The following ST3GAL1 variants were observed in gnomAD, a reference collection of about 807,000 sequenced individuals.
The protein encoded by ST3GAL1 is ST3 beta-galactoside alpha-2,3-sialyltransferase 1.
A neutral mutation model predicts 34.1 loss-of-function variants in ST3GAL1; 16 were observed. The observed-to-expected ratio is 0.47, with a 90% CI of 0.32 to 0.71. The LOEUF is 0.71. Among genes scored for constraint, ST3GAL1 ranks in the 30% least tolerant of loss-of-function variants. The probability of loss-of-function intolerance (pLI) is 0.04; values close to 1 mark genes in which losing one functional copy is unlikely to be tolerated. For missense variants in ST3GAL1, 353 were observed against 447.4 expected (o/e 0.79, Z 1.90); for synonymous variants, 191 against 184.7 (o/e 1.03, Z -0.28).
intron 1 of ST3GAL1, among the ~76,000 whole-genome samples, chr8:133,568,592 T>C (rs1028021332): frequency 1.9e-4 from 29 of 152,190 alleles, no homozygotes; most frequent in African/African-American, 7.0e-4. Flanking sequence ...CTGGTCGCTT[T>C]TGGTGGTGTG....
Position 133,521,190 on chromosome 8 carries a change from G to A in ST3GAL1, c.-428-22001C>T, listed in dbSNP as rs1387100371. On this transcript the variant is annotated intron_variant, in intron 2 of 9. Coordinates refer to ENST00000522652, the MANE Select transcript of ST3GAL1 (RefSeq NM_173344.3). The stretch of plus-strand genomic sequence containing the variant: ...GCTCTGTTGCCCAGGCTAGAGTGCA[G>A]TGGTGCAATCTTGGCTCACTGCAAC... 4.0e-5 allele frequency among the ~76,000 whole-genome samples: 5 copies of A among 123,686 alleles called. No homozygotes were observed. In the Admixed American group the frequency reaches 4.4e-4, roughly 11 times the overall value. 81.1% of individuals were successfully genotyped at this position (123,686 alleles called of 152,430 possible).
chr8:133,483,731 C>T (rs1816479039), intron 3 of ST3GAL1, among the ~76,000 whole-genome samples: 1 of 152,040 alleles, frequency 6.6e-6, no homozygotes, highest in African/African-American at 2.4e-5. Flanking sequence ...TCCTAACACA[C>T]TGGGGGAAAT....
At position 133,490,737 on chromosome 8, in the gene ST3GAL1, G is replaced by A. The variant is rs551471897; in HGVS notation, c.-374+8398C>T. Among the ~76,000 whole-genome samples, 10 of 152,346 alleles carry A rather than the reference G, an allele frequency of 6.6e-5. No individual in the cohort carries two copies. The South Asian group carries it at 2.1e-3, about 32-fold the overall frequency. On this transcript the variant is annotated intron_variant, in intron 3 of 9. Coordinates refer to ENST00000522652, the MANE Select transcript of ST3GAL1 (RefSeq NM_173344.3). ...GGAGCTGGATCGTGGAAGTCCTGAG[G>A]AACGTGGACTTGGGGACTGAAGGCA... is the stretch of plus-strand genomic sequence containing the variant.
intron 2 of ST3GAL1, among the ~76,000 whole-genome samples, chr8:133,502,451 A>G (rs937782011): frequency 1.5e-4 from 23 of 151,072 alleles, no homozygotes; most frequent in African/African-American, 4.6e-4. Context: ...GAGGTGCCAG[A>G]AAGCACTCTC....
chr8:133,482,166 G>C (rs1727549271), intron 3 of ST3GAL1, among the ~76,000 whole-genome samples: 1 of 152,036 alleles, frequency 6.6e-6, no homozygotes, highest in Non-Finnish European at 1.5e-5. Flanking sequence ...TTTCTCTTGG[G>C]GGGTCTTCGC....
At chr8:133,565,151 C>CTG (rs60990775) in intron 1 of ST3GAL1, among the ~76,000 whole-genome samples, 23,094 of 139,068 alleles carry the variant, frequency 0.17, 1,821 homozygotes, top group Middle Eastern at 0.21. Context: ...CTCTGTGTGC[C>CTG]TGTGTGTGTG....
chr8:133,513,773 C>T (rs1172507710), intron 2 of ST3GAL1, among the ~76,000 whole-genome samples: 1 of 151,972 alleles, frequency 6.6e-6, no homozygotes, highest in Admixed American at 6.6e-5. Flanking sequence ...GTGACTTGCG[C>T]CTATAATCCC....
intron 2 of ST3GAL1, among the ~76,000 whole-genome samples, chr8:133,529,522 T>C (rs192138675): frequency 7.4e-4 from 112 of 152,202 alleles, no homozygotes; most frequent in African/African-American, 2.6e-3. Context: ...AGGCGAGAGC[T>C]AACATGGAAT....
rs1042092799 is a variant in ST3GAL1 at position 133,556,642 on chromosome 8, A to G, written c.-581-10716T>C. Among the ~76,000 whole-genome samples the G allele has an allele frequency of 1.3e-5, 2 of 152,160 alleles. No homozygotes were observed. Among genetic ancestry groups the G allele is most frequent in the Admixed American group, 6.5e-5 (1 of 15,286 alleles). On this transcript the variant is annotated intron_variant, in intron 1 of 9. Coordinates refer to ENST00000522652, the MANE Select transcript of ST3GAL1 (RefSeq NM_173344.3). The surrounding 1 kb of genome is among the most constrained non-coding windows in gnomAD (Gnocchi z 8.9). ...GAAACGAAAGAAGAAAGGGAGGGAG[A>G]AAAAGAAGGAACGAAAATGGGAAGG... is the stretch of plus-strand genomic sequence containing the variant.
At chr8:133,561,915 G>T (rs1198611925) in intron 1 of ST3GAL1, among the ~76,000 whole-genome samples, 2 of 152,036 alleles carry the variant, frequency 1.3e-5, no homozygotes, top group Non-Finnish European at 2.9e-5. Context: ...TGCAAGGTTG[G>T]TGAAGGTCTG....
intron 2 of ST3GAL1, among the ~76,000 whole-genome samples, chr8:133,535,828 T>G (rs1291225883): frequency 6.6e-6 from 1 of 152,220 alleles, no homozygotes; most frequent in Non-Finnish European, 1.5e-5. Context: ...ATGTACATTG[T>G]TGTTTTAGAC....
At chr8:133,549,744 C>T (rs1427041156) in intron 1 of ST3GAL1, among the ~76,000 whole-genome samples, 1 of 152,180 alleles carries the variant, frequency 6.6e-6, no homozygotes, top group Non-Finnish European at 1.5e-5. Context: ...GGGCAAATCA[C>T]CTGAGGTCGG....
intron 2 of ST3GAL1, among the ~76,000 whole-genome samples, chr8:133,544,310 A>C (rs144539681): frequency 6.6e-6 from 1 of 152,212 alleles, no homozygotes; most frequent in African/African-American, 2.4e-5. Flanking sequence ...GTCTTGTCCC[A>C]TAAGATGGTG....
chr8:133,559,672 CCTTT>C (rs1251900070), intron 1 of ST3GAL1, among the ~76,000 whole-genome samples: 2 of 152,148 alleles, frequency 1.3e-5, no homozygotes, highest in African/African-American at 4.8e-5. Context: ...GAACAACAAA[CCTTT>C]CTCTCCATTG....
chr8:133,482,792 A>G (rs992252130), intron 3 of ST3GAL1, among the ~76,000 whole-genome samples: 1 of 152,260 alleles, frequency 6.6e-6, no homozygotes, highest in African/African-American at 2.4e-5. Flanking sequence ...TCCAGTAAGA[A>G]GAATGACTCC....
chr8:133,505,477 G>A (rs948403321), intron 2 of ST3GAL1, among the ~76,000 whole-genome samples: 1 of 152,220 alleles, frequency 6.6e-6, no homozygotes, highest in Admixed American at 6.5e-5. Context: ...GATCCAGGAA[G>A]CTGCTATCTT....
At chr8:133,553,880 A>T (rs1391022551) in intron 1 of ST3GAL1, among the ~76,000 whole-genome samples, 1 of 152,158 alleles carries the variant, frequency 6.6e-6, no homozygotes, top group Admixed American at 6.5e-5. Context: ...GGTTGCGGCA[A>T]TCTAAGAGGC....
chr8:133,551,542 G>GAAAGAAAGAAAGA (rs1818846689), intron 1 of ST3GAL1, among the ~76,000 whole-genome samples: 1 of 9,666 alleles, frequency 1.0e-4, no homozygotes, highest in Non-Finnish European at 2.0e-4. Flanking sequence ...GAAAGAGAAG[G>GAAAGAAAGAAAGA]AAAGAAAGAA....
rs755949262 is a variant in ST3GAL1 at position 133,556,353 on chromosome 8, C to T, written c.-581-10427G>A. ...CTGGTGACTCCAGAGCCTGTCTTCTCCCCCTGGCCTTGGCCTCCTGGACAG... is the reference window on the plus strand; with the variant it reads ...CTGGTGACTCCAGAGCCTGTCTTCTTCCCCTGGCCTTGGCCTCCTGGACAG... On this transcript the variant is annotated intron_variant, in intron 1 of 9. Coordinates refer to ENST00000522652, the MANE Select transcript of ST3GAL1 (RefSeq NM_173344.3). The surrounding 1 kb of genome is among the most constrained non-coding windows in gnomAD (Gnocchi z 8.9). Among the ~76,000 whole-genome samples, 4 of 152,208 alleles carry T rather than the reference C, an allele frequency of 2.6e-5. No homozygotes were observed. Among genetic ancestry groups the T allele is most frequent in the Non-Finnish European group, 5.9e-5 (4 of 68,050 alleles).
Sources: gnomAD v4.1 joint callset for allele counts (sites outside exome capture counted in the v4.1 genomes callset) on GRCh38, gnomAD v4.1.1 for gene constraint, Gnocchi (gnomAD v3.1) non-coding constraint, MANE v1.5 for transcripts, NCBI Gene and HGNC (gene_info 2026-07-23, HGNC 2026-07-21) for gene names.